LDB2: variants seen among roughly 807,000 people sequenced by gnomAD.
LDB2 encodes LIM domain-binding protein 2.
Under a neutral mutation model 44.3 loss-of-function variants are expected in LDB2, and 12 were observed. The ratio of observed to expected loss-of-function variants is 0.27; its 90% CI spans 0.17 to 0.44. The LOEUF (loss-of-function observed/expected upper bound fraction) is 0.44. LDB2 is among the 20% of genes least tolerant of loss of function. The pLI, the probability that LDB2 is intolerant of heterozygous loss-of-function variation, is 1.00. For missense variants in LDB2, 344 were observed against 473.5 expected, an observed-to-expected ratio of 0.73 and a Z score of 2.54; for synonymous variants, 164 against 174.8, an observed-to-expected ratio of 0.94 and a Z score of 0.49.
intron 2 of LDB2, among the ~76,000 whole-genome samples, chr4:16,634,177 C>A (rs1381099976): frequency 6.6e-6 from 1 of 150,982 alleles, no homozygotes; most frequent in East Asian, 2.0e-4. Flanking sequence ...AAAACCTGGG[C>A]AATACCATTC....
chr4:16,580,281 G>C (rs902671295), intron 5 of LDB2, among the ~76,000 whole-genome samples: 1 of 152,168 alleles, frequency 6.6e-6, no homozygotes, highest in Non-Finnish European at 1.5e-5. Flanking sequence ...ATGAAAGAAG[G>C]TGTGGTGAAG....
At chr4:16,585,032 T>G (rs561005774) in intron 5 of LDB2, among the ~76,000 whole-genome samples, 1 of 152,260 alleles carries the variant, frequency 6.6e-6, no homozygotes, top group African/African-American at 2.4e-5. Context: ...GCGAAAACTC[T>G]CCTGTTCCCT....
intron 2 of LDB2, among the ~76,000 whole-genome samples, chr4:16,731,301 C>T (rs566295155): frequency 9.2e-5 from 14 of 152,136 alleles, no homozygotes; most frequent in South Asian, 8.3e-4. Context: ...AAACTTATTC[C>T]GAAATATGGG....
intron 1 of LDB2, among the ~76,000 whole-genome samples, chr4:16,793,655 CA>C (rs1776192690): frequency 6.6e-6 from 1 of 152,084 alleles, no homozygotes; most frequent in South Asian, 2.1e-4. Flanking sequence ...AATATTTCAC[CA>C]ATTATTACTA....
At chr4:16,733,394 C>T (rs990085195) in intron 2 of LDB2, among the ~76,000 whole-genome samples, 14 of 151,918 alleles carry the variant, frequency 9.2e-5, no homozygotes, top group Middle Eastern at 3.4e-3. Context: ...GGCTAGTATC[C>T]AGCTGGAATG....
intron 2 of LDB2, among the ~76,000 whole-genome samples, chr4:16,683,263 C>T (rs1369534200): frequency 2.0e-5 from 3 of 152,178 alleles, no homozygotes; most frequent in Admixed American, 6.5e-5. Context: ...GTCACATAGG[C>T]GTACTTCCTG....
chr4:16,854,045 A>G (rs1406826287), intron 1 of LDB2, among the ~76,000 whole-genome samples: 1 of 152,120 alleles, frequency 6.6e-6, no homozygotes, highest in Non-Finnish European at 1.5e-5. Flanking sequence ...TGTAGGATGA[A>G]TCAGTCTAGA....
rs1055374393 is a variant in LDB2, at chr4:16,743,918, C to T, written c.235+15240G>A. On this transcript the variant is annotated intron_variant, in intron 2 of 7. Transcript: ENST00000304523. ...TTTTGGTAATTTGATATTCTGCAAT[C>T]GAAAACTAAAATACCTATCAAATAG... 3.3e-5 allele frequency among the ~76,000 whole-genome samples: 5 copies of T among 152,186 alleles called. No homozygotes were observed. The South Asian group carries it at 6.2e-4, about 19-fold the overall frequency.
At chr4:16,551,801 G>A (rs942141955) in intron 5 of LDB2, among the ~76,000 whole-genome samples, 3 of 152,152 alleles carry the variant, frequency 2.0e-5, no homozygotes, top group Non-Finnish European at 2.9e-5. Context: ...ACAGGTGTGA[G>A]CCGCCGCACC....
At chr4:16,571,693 C>G (rs2152400783) in intron 5 of LDB2, among the ~76,000 whole-genome samples, 1 of 152,320 alleles carries the variant, frequency 6.6e-6, no homozygotes, top group East Asian at 1.9e-4. Flanking sequence ...TCTCAAATGT[C>G]TATTTAGGAT....
intron 2 of LDB2, among the ~76,000 whole-genome samples, chr4:16,599,182 C>T (rs1721886076): frequency 6.6e-6 from 1 of 152,072 alleles, no homozygotes; most frequent in Admixed American, 6.6e-5. Flanking sequence ...ATTTCATAGT[C>T]CCGACAATCA....
chr4:16,862,187 G>T (rs1712815971), intron 1 of LDB2, among the ~76,000 whole-genome samples: 1 of 152,082 alleles, frequency 6.6e-6, no homozygotes. Flanking sequence ...TACAGAAATA[G>T]AACTAAAATC....
intron 5 of LDB2, among the ~76,000 whole-genome samples, chr4:16,571,592 C>G (rs770031752): frequency 3.9e-5 from 6 of 152,148 alleles, no homozygotes; most frequent in Non-Finnish European, 7.4e-5. Context: ...CCCAGCCTGG[C>G]GGTTTACCTT....
chr4:16,570,733 T>A (rs1254877378), intron 5 of LDB2, among the ~76,000 whole-genome samples: 2 of 151,594 alleles, frequency 1.3e-5, no homozygotes, highest in Non-Finnish European at 2.9e-5. Context: ...GAGCCAGTCA[T>A]AAAAAAAATT....
chr4:16,740,432 C>A (rs1337095782), intron 2 of LDB2, among the ~76,000 whole-genome samples: 1 of 152,254 alleles, frequency 6.6e-6, no homozygotes, highest in Non-Finnish European at 1.5e-5. Flanking sequence ...CATCGCACAT[C>A]TTTTGTTCTT....
intron 3 of LDB2, among the ~76,000 whole-genome samples, chr4:16,591,168 T>C (rs892812786): frequency 6.6e-6 from 1 of 152,214 alleles, no homozygotes; most frequent in African/African-American, 2.4e-5. Context: ...AATTATCTAA[T>C]ATATTTGTTT....
intron 1 of LDB2, among the ~76,000 whole-genome samples, chr4:16,800,014 G>C (rs139519832): frequency 4.6e-5 from 7 of 151,904 alleles, no homozygotes; most frequent in African/African-American, 1.7e-4. Context: ...ATTATATACC[G>C]AGGCCCAGTA....
rs533821744 is a variant in LDB2 at position 16,746,093 on chromosome 4, A to G, written c.235+13065T>C. On this transcript the variant is annotated intron_variant, in intron 2 of 7. Coordinates refer to ENST00000304523, the MANE Select transcript of LDB2 (RefSeq NM_001290.5). ...GGTCACCAAGTACTACTCAGCAAAT[A>G]TTGACCATGGGCCTTTCTGTATCAC... Among the ~76,000 whole-genome samples, 10 of 152,294 alleles carry G rather than the reference A, an allele frequency of 6.6e-5. No homozygotes were observed. The South Asian group carries it at 2.1e-3, about 32-fold the overall frequency.
intron 1 of LDB2, among the ~76,000 whole-genome samples, chr4:16,800,691 T>C (rs891817582): frequency 1.3e-5 from 2 of 152,242 alleles, no homozygotes; most frequent in African/African-American, 2.4e-5. Context: ...TTTTGTTTTT[T>C]TGAGACGGAG....
Sources: gnomAD v4.1 joint callset for allele counts (sites outside exome capture counted in the v4.1 genomes callset) on GRCh38, gnomAD v4.1.1 for gene constraint, MANE v1.5 for transcripts, NCBI Gene and HGNC (gene_info 2026-07-23, HGNC 2026-07-21) for gene names.